The following GPC6 variants were observed in gnomAD, a reference collection of about 807,000 sequenced individuals.
GPC6 encodes the protein glypican 6.
Under a neutral mutation model 55.2 loss-of-function variants are expected in GPC6, and 14 were observed. The ratio of observed to expected loss-of-function variants is 0.25; its 90% confidence interval spans 0.17 to 0.40. The LOEUF (loss-of-function observed/expected upper bound fraction) is 0.40. Among genes scored for constraint, GPC6 ranks in the 10% least tolerant of loss-of-function variants. The pLI, the probability that GPC6 is intolerant of heterozygous loss-of-function variation, is 1.00. For synonymous variants in GPC6, 278 were observed against 259.6 expected (o/e 1.07, Z -0.68); for missense variants, 641 against 708.5 (o/e 0.90, Z 1.08).
At chr13:93,879,009 C>T (rs1003750703) in intron 3 of GPC6, among the ~76,000 whole-genome samples, 8 of 152,020 alleles carry the variant, frequency 5.3e-5, no homozygotes, top group Non-Finnish European at 8.8e-5. Context: ...AAGTGATAAG[C>T]GTTTCTCAAA....
intron 1 of GPC6, among the ~76,000 whole-genome samples, chr13:93,469,883 CT>C (rs1426861218): frequency 2.6e-5 from 4 of 152,002 alleles, no homozygotes; most frequent in Admixed American, 1.3e-4. Context: ...AATCTTTTTT[CT>C]TTTGAATTGC....
chr13:94,165,207 G>GTATA (rs369079874), intron 4 of GPC6, among the ~76,000 whole-genome samples: 1 of 147,718 alleles, frequency 6.8e-6, no homozygotes, highest in African/African-American at 2.5e-5. Context: ...GTGTGTGTGT[G>GTATA]TATATATATA....
rs760775193 is a variant in GPC6 at position 94,404,339 on chromosome 13, TTC to T, written c.*1124_*1125del. 1 of 152,166 alleles carries T rather than the reference TTC, an allele frequency of 6.6e-6. No individual in the cohort carries two copies. The highest frequency in any genetic ancestry group is 1.5e-5 in the Non-Finnish European group (1 of 68,034). 9.4% of individuals were successfully genotyped at this position (152,166 alleles called of 1,614,324 possible). ...ATATATATAGTATTGACATGGAGAT[TTC>T]TTTCACTTTTTTAGTCTTAGTATGA... is the stretch of plus-strand genomic sequence containing the variant. On this transcript the variant is annotated 3_prime_UTR_variant, in exon 9 of 9. Transcript: ENST00000377047.
intron 4 of GPC6, among the ~76,000 whole-genome samples, chr13:94,107,580 T>C (rs114493604): frequency 0.3 from 44,577 of 147,202 alleles, 7,959 homozygotes; most frequent in Middle Eastern, 0.42. Context: ...TCTTTCTCTT[T>C]TTTTTTTTTT....
chr13:93,935,078 G>A (rs1397919634), intron 3 of GPC6, among the ~76,000 whole-genome samples: 4 of 151,916 alleles, frequency 2.6e-5, no homozygotes, highest in East Asian at 1.9e-4. Flanking sequence ...TTGTTAATAC[G>A]GCCTCTATGA....
At chr13:93,477,923 T>C (rs1879358489) in intron 1 of GPC6, among the ~76,000 whole-genome samples, 1 of 152,176 alleles carries the variant, frequency 6.6e-6, no homozygotes. Flanking sequence ...GTACCGTATA[T>C]GAGCTGCTTA....
intron 2 of GPC6, among the ~76,000 whole-genome samples, chr13:93,707,901 A>G (rs1296193885): frequency 3.3e-5 from 5 of 151,932 alleles, no homozygotes; most frequent in Admixed American, 6.6e-5. Context: ...TAAAACAATT[A>G]GAAGTTTATA....
At chr13:93,375,717 C>A (rs1401445409) in intron 1 of GPC6, among the ~76,000 whole-genome samples, 2 of 152,200 alleles carry the variant, frequency 1.3e-5, no homozygotes, top group Non-Finnish European at 2.9e-5. Context: ...GGACTCCTGG[C>A]AGCTCTGCCT....
At chr13:93,433,200 C>T (rs7325511) in intron 1 of GPC6, among the ~76,000 whole-genome samples, 36,903 of 151,786 alleles carry the variant, frequency 0.24, 4,425 homozygotes, top group Middle Eastern at 0.28. Context: ...CCCTGACAAA[C>T]GGGATGATGC....
At chr13:93,280,694 G>T (rs146081989) in intron 1 of GPC6, among the ~76,000 whole-genome samples, 1 of 152,218 alleles carries the variant, frequency 6.6e-6, no homozygotes, top group South Asian at 2.1e-4. Flanking sequence ...ATATGCTGGC[G>T]CTAATTTTTT....
chr13:94,354,615 C>T (rs1878705920), intron 6 of GPC6, among the ~76,000 whole-genome samples: 1 of 152,186 alleles, frequency 6.6e-6, no homozygotes, highest in Non-Finnish European at 1.5e-5. Flanking sequence ...CATGAGCATG[C>T]CCTCAGCACA....
intron 4 of GPC6, among the ~76,000 whole-genome samples, chr13:94,153,024 G>A (rs1301627093): frequency 3.9e-5 from 6 of 152,036 alleles, no homozygotes; most frequent in Admixed American, 3.9e-4. Flanking sequence ...TATTACAAAG[G>A]ATTCTATGGG....
At chr13:93,225,706 T>G (rs1212686475), upstream of GPC6, among the ~76,000 whole-genome samples, 1 of 152,186 alleles carries the variant, frequency 6.6e-6, no homozygotes, top group Non-Finnish European at 1.5e-5. Flanking sequence ...GTTGTGATGA[T>G]AATGACAAAC....
At chr13:94,271,137 C>T (rs1891992843) in intron 4 of GPC6, among the ~76,000 whole-genome samples, 1 of 150,176 alleles carries the variant, frequency 6.7e-6, no homozygotes, top group South Asian at 2.1e-4. Flanking sequence ...ACTACAGGCT[C>T]CCGCCACCAT....
chr13:94,303,765 CAAAAAAA>C (rs11300129), intron 5 of GPC6, among the ~76,000 whole-genome samples: 20 of 98,288 alleles, frequency 2.0e-4, no homozygotes, highest in Middle Eastern at 6.2e-3. Flanking sequence ...TAACTCCCTC[CAAAAAAA>C]AAAAAAAAAA....
intron 3 of GPC6, among the ~76,000 whole-genome samples, chr13:93,998,973 C>G (rs1193961877): frequency 6.6e-6 from 1 of 152,110 alleles, no homozygotes; most frequent in Non-Finnish European, 1.5e-5. Flanking sequence ...TCAACCAATA[C>G]TTCCTCAACT....
intron 1 of GPC6, among the ~76,000 whole-genome samples, chr13:93,410,802 C>T (rs1304219082): frequency 6.6e-6 from 1 of 152,122 alleles, no homozygotes; most frequent in African/African-American, 2.4e-5. Context: ...TCATCTTAAA[C>T]TTCTTTCAAT....
chr13:94,040,225 T>C (rs1883482621), intron 4 of GPC6, among the ~76,000 whole-genome samples: 1 of 151,820 alleles, frequency 6.6e-6, no homozygotes, highest in South Asian at 2.1e-4. Context: ...CCAAAAGGCA[T>C]TCATTTCCTT....
chr13:93,721,022 GA>G (rs1422583112), intron 2 of GPC6, among the ~76,000 whole-genome samples: 1 of 151,952 alleles, frequency 6.6e-6, no homozygotes, highest in African/African-American at 2.4e-5. Flanking sequence ...GTGATGCTAA[GA>G]AAAATGTATA....
Sources: allele counts gnomAD v4.1 joint callset (sites outside exome capture counted in the v4.1 genomes callset), GRCh38; gene constraint gnomAD v4.1.1; transcripts MANE v1.5; gene names NCBI Gene and HGNC (gene_info 2026-07-23, HGNC 2026-07-21).